Variants in PACSIN3 observed in about 807,000 individuals in gnomAD.
The protein encoded by PACSIN3 is protein kinase C and casein kinase substrate in neurons protein 3.
Under a neutral mutation model 56.1 loss-of-function variants are expected in PACSIN3, and 34 were observed. The observed-to-expected ratio is 0.61, with a 90% CI of 0.46 to 0.81. The LOEUF (loss-of-function observed/expected upper bound fraction) is 0.81. Ranked by LOEUF, PACSIN3 falls within the 30% of genes least tolerant of loss-of-function variation. The pLI, the probability that PACSIN3 is intolerant of heterozygous loss-of-function variation, is 0.00. For missense variants in PACSIN3, 535 were observed against 592.4 expected (o/e 0.90, Z 1.01); for synonymous variants, 218 against 229.8 (o/e 0.95, Z 0.46).
rs1321257583 is a variant in PACSIN3 at position 47,177,947 on chromosome 11, T to A, written c.1259A>T (p.Glu420Val). ...TCAGGACACTCAGGCGCCCACACAC[T>A]CCACGTAGTTGGCAGGGTACAGGCC... The part of the protein sequence containing the change: ...RIGLYPANYV[E>V]CVGA Residue 420 changes from glutamate (E) to valine (V), a missense_variant, in exon 11 of 11, where the codon GAG becomes GTG. Physicochemically the swap from Glu to Val is moderately radical, Grantham distance 121. Transcript: ENST00000298838. 6.2e-7 allele frequency: 1 copy of A among 1,613,748 alleles called. No individual in the cohort carries two copies.
rs1384533677 is a variant in PACSIN3, at chr11:47,178,713, T to C, written c.1037+181A>G. Among the ~76,000 whole-genome samples the C allele has an allele frequency of 6.6e-6, 1 of 152,184 alleles. No individual in the cohort carries two copies. The highest frequency in any genetic ancestry group is 1.5e-5 in the Non-Finnish European group (1 of 68,026). ...CATAAACGAGAGGGAATGTGGGAAA[T>C]GCCCAGCAAATCTAAACCACTATGA... On this transcript the variant is annotated intron_variant, in intron 9 of 10. Coordinates refer to ENST00000298838, the MANE Select transcript of PACSIN3 (RefSeq NM_016223.5). This position sits in a 1 kb window ranked among gnomAD's most constrained non-coding sequence, Gnocchi z 4.2.
At position 47,180,599 on chromosome 11, in the gene PACSIN3, C is replaced by G. The variant is rs774802757; in HGVS notation, c.303G>C (p.Lys101Asn). The G allele has an allele frequency of 6.2e-7, 1 of 1,605,302 alleles. No homozygotes were observed. Among genetic ancestry groups the G allele is most frequent in the Admixed American group, 1.7e-5 (1 of 60,016 alleles). ...CCCGCTCACTGTCCTGCCCTTGCAG[C>G]TTCTCCCGCACCTCCAGGTGCAGCG... Reference protein sequence around the residue: ...LSALHLEVREKLQGQDSERVR... With the variant: ...LSALHLEVRENLQGQDSERVR... The change falls in exon 5 of 11, where the codon AAG becomes AAC. Residue 101 changes from lysine (K) to asparagine (N), a missense_variant. Physicochemically the swap from Lys to Asn is moderately conservative, Grantham distance 94. Transcript: ENST00000298838.
Position 47,182,696 on chromosome 11 carries a change from G to C in PACSIN3, c.32C>G (p.Ala11Gly). Residue 11 changes from alanine (A) to glycine (G), a missense_variant, in exon 3 of 11, where the codon GCC (alanine) becomes GGC (glycine). Ala to Gly is a moderately conservative substitution (Grantham distance 60). Coordinates refer to ENST00000298838, the MANE Select transcript of PACSIN3 (RefSeq NM_016223.5). ...CACCTCCCAGAAACTGCCCCCTAAG[G>C]CCTCCCCTCCAGCGTCCTCTTCTGG... is the stretch of plus-strand genomic sequence containing the variant. MAPEEDAGGE[A>G]LGGSFWEAGN... is the part of the protein sequence containing the mutation. 6.2e-7 allele frequency: 1 copy of C among 1,612,814 alleles called. No homozygotes were observed. The highest frequency in any genetic ancestry group is 2.2e-5 in the East Asian group (1 of 44,872).
intron 4 of PACSIN3, among the ~76,000 whole-genome samples, chr11:47,181,694 C>T (rs11603373): frequency 0.25 from 37,834 of 152,090 alleles, 5,431 homozygotes; most frequent in East Asian, 0.65. Flanking sequence ...TGTGGTGGTC[C>T]ATGCCTGTGA....
rs575719226 is a variant in PACSIN3 at position 47,181,120 on chromosome 11, G to A, written c.212-430C>T. On this transcript the variant is annotated intron_variant, in intron 4 of 10. Coordinates refer to ENST00000298838, the MANE Select transcript of PACSIN3 (RefSeq NM_016223.5). ...TACTAAAACTACAAAAAATTAGCCG[G>A]GCATGGTGGCGGGCGCCTGTAGTCC... 8.2e-4 allele frequency among the ~76,000 whole-genome samples: 125 copies of A among 152,182 alleles called. No individual in the cohort carries two copies. In the Middle Eastern group the frequency reaches 0.01, roughly 12 times the overall value.
In PACSIN3 at chr11:47,178,446, C is replaced by A; in HGVS notation, c.1079G>T (p.Arg360Leu). The part of the protein sequence containing the change: ...DEEWSDEESP[R>L]KAATGVRVRA... ...CACCCGAACCCCGGTGGCAGCCTTC[C>A]GGGGACTCTCTTCATCTGACCACTC... The change falls in exon 10 of 11, where the codon CGG becomes CTG. Residue 360 changes from arginine (R) to leucine (L), a missense_variant. Coordinates refer to ENST00000298838, the MANE Select transcript of PACSIN3 (RefSeq NM_016223.5). The surrounding 1 kb of genome is among the most constrained non-coding windows in gnomAD (Gnocchi z 4.2). 4 of 1,613,906 alleles carry A rather than the reference C, an allele frequency of 2.5e-6. No homozygotes were observed. Among genetic ancestry groups the A allele is most frequent in the Non-Finnish European group, 3.4e-6 (4 of 1,180,002 alleles).
In PACSIN3 at chr11:47,186,051, G is replaced by A. The variant is rs1191735229; in HGVS notation, c.-104+298C>T. Among the ~76,000 whole-genome samples the A allele has an allele frequency of 1.3e-5, 2 of 152,054 alleles. No individual in the cohort carries two copies. Among genetic ancestry groups the A allele is most frequent in the African/African-American group, 2.4e-5 (1 of 41,444 alleles). On this transcript the variant is annotated intron_variant, in intron 1 of 10. Coordinates refer to ENST00000298838, the MANE Select transcript of PACSIN3 (RefSeq NM_016223.5). The surrounding 1 kb of genome is among the most constrained non-coding windows in gnomAD (Gnocchi z 4.5). ...CGAGGACCCTCTGGGGCCTCGGGGC[G>A]GGCGCGAGGCGAGCGGACGGGGGCC...
In PACSIN3 at chr11:47,178,695, G is replaced by T. The variant is rs900830591; in HGVS notation, c.1037+199C>A. 1.3e-5 allele frequency among the ~76,000 whole-genome samples: 2 copies of T among 152,186 alleles called. No individual in the cohort carries two copies. The highest frequency in any genetic ancestry group is 4.8e-5 in the African/African-American group (2 of 41,436). On this transcript the variant is annotated intron_variant, in intron 9 of 10. Coordinates refer to ENST00000298838, the MANE Select transcript of PACSIN3 (RefSeq NM_016223.5). This position sits in a 1 kb window ranked among gnomAD's most constrained non-coding sequence, Gnocchi z 4.2. ...CACGCAGCTGATTTAAGGCATAAAC[G>T]AGAGGGAATGTGGGAAATGCCCAGC...
At position 47,186,095 on chromosome 11, in the gene PACSIN3, ACGGCT is replaced by A. The variant is rs1158695028; in HGVS notation, c.-104+249_-104+253del. 1.5e-4 allele frequency among the ~76,000 whole-genome samples: 22 copies of A among 151,672 alleles called. No homozygotes were observed. Among genetic ancestry groups the A allele is most frequent in the Admixed American group, 4.6e-4 (7 of 15,262 alleles). ...GGGGGCCCTCGAGGGGCCCCTGAAG[ACGGCT>A]CAGCCCTCCAGCGCCGGCGCCGCCT... On this transcript the variant is annotated intron_variant, in intron 1 of 10. Transcript: ENST00000298838. The surrounding 1 kb of genome is among the most constrained non-coding windows in gnomAD (Gnocchi z 4.5).
At position 47,177,834 on chromosome 11, in the gene PACSIN3, G is replaced by A. The variant is rs750248053; in HGVS notation, c.*97C>T. ...CCCTCAAGGGACAGAGGAGCAGCCA[G>A]AGAGCGACGGTTCAGGGCCCTGAGG... On this transcript the variant is annotated 3_prime_UTR_variant, in exon 11 of 11. Transcript: ENST00000298838. 2.2e-6 allele frequency: 2 copies of A among 925,978 alleles called. No homozygotes were observed. Among genetic ancestry groups the A allele is most frequent in the Non-Finnish European group, 3.5e-6 (2 of 570,714 alleles). The allele number at this position is 925,978 out of a possible 1,614,324, so 57.4% of individuals were successfully genotyped here.
chr11:47,179,477 C>T lies in PACSIN3; in HGVS notation c.713G>A (p.Arg238Gln), dbSNP rs765990359. The T allele has an allele frequency of 6.8e-6, 11 of 1,613,890 alleles. No individual in the cohort carries two copies. Among genetic ancestry groups the T allele is most frequent in the South Asian group, 6.6e-5 (6 of 91,088 alleles). ...FETCQAAERQ[R>Q]LLFFKDMLLT... ...CAGCATATCCTTGAAGAAAAGAAGC[C>T]GCTGGCGCTCGGCGGCCTGGCAGGT... Residue 238 changes from arginine (R) to glutamine (Q), a missense_variant, in exon 7 of 11, where the codon CGG becomes CAG. By Grantham distance (43) the Arg-to-Gln change is conservative. Coordinates refer to ENST00000298838, the MANE Select transcript of PACSIN3 (RefSeq NM_016223.5). The surrounding 1 kb of genome is among the most constrained non-coding windows in gnomAD (Gnocchi z 4.4).
intron 3 of PACSIN3, 29 bp from the exon 4 acceptor site, chr11:47,182,588 C>T (rs377746852): frequency 4.3e-4 from 686 of 1,604,780 alleles, no homozygotes; most frequent in Non-Finnish European, 5.4e-4. Flanking sequence ...GGTGCCATCA[C>T]CAGGGAGAAG....
rs762104342 is a variant in PACSIN3 at position 47,179,143 on chromosome 11, C to T, written c.900+16G>A. The T allele has an allele frequency of 1.8e-5, 29 of 1,613,392 alleles. No individual in the cohort carries two copies. Among genetic ancestry groups the T allele is most frequent in the Middle Eastern group, 1.6e-4 (1 of 6,062 alleles). On this transcript the variant is annotated intron_variant, in intron 8 of 10. Coordinates refer to ENST00000298838, the MANE Select transcript of PACSIN3 (RefSeq NM_016223.5). This position sits in a 1 kb window ranked among gnomAD's most constrained non-coding sequence, Gnocchi z 4.4. The stretch of plus-strand genomic sequence containing the variant: ...CCCATCCCACCTCCCATCCCCACCC[C>T]GCCTGGAACACATGCCTCGAACTGT...
rs748821336 is a variant in PACSIN3 at position 47,180,296 on chromosome 11, TCTC to T, written c.490_492del (p.Glu164del). Reference sequence around the variant, plus strand: ...TGGCTCTCCCTCGTCTGGGCGGTCTTCTCATCCTTCCGGGCTGCGTGGTAGCTT... The same window carrying T: ...TGGCTCTCCCTCGTCTGGGCGGTCTTATCCTTCCGGGCTGCGTGGTAGCTT... On this transcript the variant is annotated inframe_deletion, in exon 6 of 11. Transcript: ENST00000298838. 6.2e-7 allele frequency: 1 copy of T among 1,603,010 alleles called. No homozygotes were observed. The highest frequency in any genetic ancestry group is 2.2e-5 in the East Asian group (1 of 44,872).
rs1278277541 is a variant in PACSIN3 at position 47,178,159 on chromosome 11, A to G, written c.1160-113T>C. 18 of 1,196,570 alleles carry G rather than the reference A, an allele frequency of 1.5e-5. No homozygotes were observed. The highest frequency in any genetic ancestry group is 2.0e-5 in the Non-Finnish European group (17 of 834,574). The allele number at this position is 1,196,570 out of a possible 1,614,324, so 74.1% of individuals were successfully genotyped here. The stretch of plus-strand genomic sequence containing the variant: ...GTCCCAGAGCCCAGCTAGCAAAGAC[A>G]TGGCTCAGGCAGAGGCAGGTCAAGG... On this transcript the variant is annotated intron_variant, in intron 10 of 10. Transcript: ENST00000298838. The surrounding 1 kb of genome is among the most constrained non-coding windows in gnomAD (Gnocchi z 4.2).
intron 4 of PACSIN3, 66 bp downstream of exon 4, chr11:47,182,337 A>G: frequency 6.7e-7 from 1 of 1,487,390 alleles, no homozygotes; most frequent in Non-Finnish European, 9.0e-7. Context: ...CGAGACGTGC[A>G]AAAAGAAGCT....
chr11:47,182,002 A>G (rs1953034418), intron 4 of PACSIN3, among the ~76,000 whole-genome samples: 1 of 151,880 alleles, frequency 6.6e-6, no homozygotes, highest in South Asian at 2.1e-4. Context: ...AAAATACAAA[A>G]TTAGCCAGGC....
At chr11:47,182,143 C>CA (rs372259328) in intron 4 of PACSIN3, among the ~76,000 whole-genome samples, 844 of 54,326 alleles carry the variant, frequency 0.016, 7 homozygotes, top group Middle Eastern at 0.043. Context: ...CAAAACGTCT[C>CA]AAAAAAAAAA....
In PACSIN3 at chr11:47,179,750, C is replaced by A; in HGVS notation, c.604-164G>T. The A allele has an allele frequency of 1.6e-6, 1 of 626,736 alleles. No homozygotes were observed. The highest frequency in any genetic ancestry group is 2.8e-6 in the Non-Finnish European group (1 of 362,756). The allele number at this position is 626,736 out of a possible 1,614,324, so 38.8% of individuals were successfully genotyped here. A position where few individuals can be genotyped will look rare whatever the true frequency, so the allele number is the denominator to read the frequency against. On this transcript the variant is annotated intron_variant, in intron 6 of 10. Coordinates refer to ENST00000298838, the MANE Select transcript of PACSIN3 (RefSeq NM_016223.5). This position sits in a 1 kb window ranked among gnomAD's most constrained non-coding sequence, Gnocchi z 4.4. ...GCCCTCAAGGACCCCAGCAGCCTAA[C>A]AAGGGAGGTGACATCAGGCACAGCA... is the stretch of plus-strand genomic sequence containing the variant.
Sources: allele counts gnomAD v4.1 joint callset (sites outside exome capture counted in the v4.1 genomes callset), GRCh38; gene constraint gnomAD v4.1.1; non-coding constraint Gnocchi (gnomAD v3.1); transcripts MANE v1.5; gene names NCBI Gene and HGNC (gene_info 2026-07-23, HGNC 2026-07-21).